The following TBC1D1 variants were observed in gnomAD, a reference collection of about 807,000 sequenced individuals.
TBC1D1 encodes the protein TBC1 domain family member 1.
In TBC1D1, 89 loss-of-function variants were observed where a neutral mutation model predicts 125.6. That is an observed-to-expected ratio of 0.71 (90% CI 0.60 to 0.85). The LOEUF is 0.85. Among genes scored for constraint, TBC1D1 ranks in the 40% least tolerant of loss-of-function variants. TBC1D1 has a pLI of 0.00. For synonymous variants in TBC1D1, 565 were observed against 564.1 expected, an observed-to-expected ratio of 1.00 and a Z score of -0.02; for missense variants, 1,377 against 1,469.2, an observed-to-expected ratio of 0.94 and a Z score of 1.03.
intron 14 of TBC1D1, among the ~76,000 whole-genome samples, chr4:38,099,558 T>C (rs1759936505): frequency 6.6e-6 from 1 of 152,134 alleles, no homozygotes; most frequent in African/African-American, 2.4e-5. Flanking sequence ...TTATGGGTGG[T>C]TTTTCACTTT....
intron 2 of TBC1D1, among the ~76,000 whole-genome samples, chr4:37,986,133 C>T (rs1345201674): frequency 6.6e-6 from 1 of 152,128 alleles, no homozygotes; most frequent in East Asian, 1.9e-4. Flanking sequence ...GTAATTGTGG[C>T]TTAGGGTGGT....
chr4:38,046,241 G>A (rs1020503077), intron 10 of TBC1D1, among the ~76,000 whole-genome samples: 2 of 151,866 alleles, frequency 1.3e-5, no homozygotes, highest in African/African-American at 4.8e-5. Flanking sequence ...GCGTGGTGGC[G>A]GGCACCCGTA....
In TBC1D1 at chr4:38,049,956, G is replaced by T. The variant is rs1750191834; in HGVS notation, c.1910+58G>T. On this transcript the variant is annotated intron_variant, in intron 11 of 19. Transcript: ENST00000261439. ...CTGGGGCATATCTGTGACTAGCCAG[G>T]TATGTGCATCCCAGGTATGTTTATT... 3.3e-6 allele frequency: 5 copies of T among 1,529,204 alleles called. No homozygotes were observed. In the Admixed American group the frequency reaches 9.3e-5, roughly 28 times the overall value. The allele number at this position is 1,529,204 out of a possible 1,614,324, so 94.7% of individuals were successfully genotyped here. A position where few individuals can be genotyped will look rare whatever the true frequency, so the allele number is the denominator to read the frequency against.
intron 2 of TBC1D1, among the ~76,000 whole-genome samples, chr4:37,911,328 C>G (rs774173098): frequency 2.6e-5 from 4 of 152,124 alleles, no homozygotes; most frequent in Non-Finnish European, 5.9e-5. Flanking sequence ...TACCTTTCCT[C>G]CCTTTGGAGG....
chr4:38,027,871 G>A lies in TBC1D1; in HGVS notation c.1294G>A (p.Glu432Lys). Residue 432 changes from glutamate to lysine, a missense_variant, in exon 7 of 20, where the codon GAG becomes AAG. This residue lies in a region of TBC1D1 where 822 missense variants were observed against 824.6 expected (regional missense o/e 1.00). Transcript: ENST00000261439. The stretch of plus-strand genomic sequence containing the variant: ...TCAGGAGCAGGCGACTATTTTTGAA[G>A]AGGTTCAGGTACAGTACAGTTGCTA... 1.2e-6 allele frequency: 2 copies of A among 1,611,940 alleles called. No individual in the cohort carries two copies. The highest frequency in any genetic ancestry group is 1.7e-6 in the Non-Finnish European group (2 of 1,178,556).
At position 37,995,560 on chromosome 4, in the gene TBC1D1, T is replaced by C. The variant is rs1737613530; in HGVS notation, c.418-18949T>C. ...TTTCTCCAGGTTGGTGCTGATGATA[T>C]GATAAAGCTCAGCACAGAAGGCCTT... On this transcript the variant is annotated intron_variant, in intron 2 of 19. Coordinates refer to ENST00000261439, the MANE Select transcript of TBC1D1 (RefSeq NM_015173.4). This position sits in a 1 kb window ranked among gnomAD's most constrained non-coding sequence, Gnocchi z 4.3. 4.9e-6 allele frequency: 2 copies of C among 410,852 alleles called. No homozygotes were observed. Among genetic ancestry groups the C allele is most frequent in the Non-Finnish European group, 9.6e-6 (2 of 209,246 alleles). The allele number at this position is 410,852 out of a possible 1,614,324, so 25.5% of individuals were successfully genotyped here.
At position 38,103,094 on chromosome 4, in the gene TBC1D1, GT is replaced by G; in HGVS notation, c.2495del (p.Val832GlyfsTer7). On this transcript the variant is annotated frameshift_variant, in exon 15 of 20. Coordinates refer to ENST00000261439, the MANE Select transcript of TBC1D1 (RefSeq NM_015173.4). LOFTEE classifies it high-confidence loss of function. Reference sequence around the variant, plus strand: ...TCCCAGCAAACAGCAGCCAAAGGATGTGCCATACAAAGAACTCTTAAAGCAG... The same window carrying G: ...TCCCAGCAAACAGCAGCCAAAGGATGGCCATACAAAGAACTCTTAAAGCAG... 1 of 1,614,144 alleles carries G rather than the reference GT, an allele frequency of 6.2e-7. No homozygotes were observed. Among genetic ancestry groups the G allele is most frequent in the Non-Finnish European group, 8.5e-7 (1 of 1,180,020 alleles).
intron 2 of TBC1D1, among the ~76,000 whole-genome samples, chr4:37,999,394 C>T (rs942211824): frequency 6.6e-6 from 1 of 152,144 alleles, no homozygotes; most frequent in Non-Finnish European, 1.5e-5. Context: ...ATTACTGTTA[C>T]ATTATGAATT....
intron 17 of TBC1D1, chr4:38,118,438 C>A (rs1190645399): frequency 1.0e-5 from 5 of 496,884 alleles, no homozygotes; most frequent in Admixed American, 3.6e-5. Context: ...CCGTGTAGAT[C>A]CGATCGCTCA....
chr4:38,039,994 C>T (rs1748039103), intron 8 of TBC1D1, among the ~76,000 whole-genome samples: 1 of 151,838 alleles, frequency 6.6e-6, no homozygotes, highest in South Asian at 2.1e-4. Context: ...CCAGTGTCAT[C>T]TTCCAAGGAG....
At chr4:38,111,656 A>C (rs1762221047) in intron 15 of TBC1D1, among the ~76,000 whole-genome samples, 1 of 152,220 alleles carries the variant, frequency 6.6e-6, no homozygotes, top group Admixed American at 6.5e-5. Context: ...GCAAAAGCTG[A>C]CCTTGCACAG....
At chr4:38,036,709 C>T (rs1014012518) in intron 8 of TBC1D1, among the ~76,000 whole-genome samples, 1 of 152,212 alleles carries the variant, frequency 6.6e-6, no homozygotes, top group Non-Finnish European at 1.5e-5. Flanking sequence ...CTTCCCTGAA[C>T]ACTTGGGCTG....
chr4:38,008,996 A>G (rs2152419306), intron 2 of TBC1D1, among the ~76,000 whole-genome samples: 1 of 152,332 alleles, frequency 6.6e-6, no homozygotes, highest in Non-Finnish European at 1.5e-5. Context: ...TGTCCTATCT[A>G]GATAGCAACT....
intron 18 of TBC1D1, among the ~76,000 whole-genome samples, chr4:38,129,931 G>A (rs530518295): frequency 6.6e-6 from 1 of 152,328 alleles, no homozygotes; most frequent in Non-Finnish European, 1.5e-5. Flanking sequence ...ATTAGTGGCT[G>A]TTGGGAGACA....
intron 2 of TBC1D1, among the ~76,000 whole-genome samples, chr4:37,957,481 T>C (rs953633280): frequency 6.6e-6 from 1 of 152,006 alleles, no homozygotes; most frequent in Non-Finnish European, 1.5e-5. Flanking sequence ...TACCTGGGCA[T>C]GGGGGTGCGT....
rs1003052379 is a variant in TBC1D1, at chr4:38,122,913, C to T, written c.2963-2049C>T. ...AGACTTTAAAACACATAACACCACCCTCTCCCCTCCAAATTTCCTTTCCGG... is the reference window on the plus strand; with the variant it reads ...AGACTTTAAAACACATAACACCACCTTCTCCCCTCCAAATTTCCTTTCCGG... On this transcript the variant is annotated intron_variant, in intron 17 of 19. Coordinates refer to ENST00000261439, the MANE Select transcript of TBC1D1 (RefSeq NM_015173.4). Among the ~76,000 whole-genome samples the T allele has an allele frequency of 2.6e-5, 4 of 152,178 alleles. No homozygotes were observed. In the East Asian group the frequency reaches 7.7e-4, roughly 29 times the overall value.
At chr4:38,029,866 T>C (rs1745803629) in intron 7 of TBC1D1, among the ~76,000 whole-genome samples, 1 of 152,262 alleles carries the variant, frequency 6.6e-6, no homozygotes, top group South Asian at 2.1e-4. Flanking sequence ...GACATGCTAC[T>C]TTGTTTTTTC....
intron 2 of TBC1D1, among the ~76,000 whole-genome samples, chr4:37,949,218 G>A (rs1288723005): frequency 1.3e-5 from 2 of 152,358 alleles, no homozygotes; most frequent in Admixed American, 1.3e-4. Context: ...AACAAAATAT[G>A]TGGAGACTTT....
chr4:38,066,265 CTT>C (rs34977188), intron 12 of TBC1D1, among the ~76,000 whole-genome samples: 90 of 137,600 alleles, frequency 6.5e-4, no homozygotes, highest in African/African-American at 8.5e-4. Flanking sequence ...TTATTAGCAA[CTT>C]TTTTTTTTTT....
Sources: gnomAD v4.1 joint callset for allele counts (sites outside exome capture counted in the v4.1 genomes callset) on GRCh38, gnomAD v4.1.1 for gene constraint, gnomAD v4.1.1 regional missense constraint, Gnocchi (gnomAD v3.1) non-coding constraint, MANE v1.5 for transcripts, NCBI Gene and HGNC (gene_info 2026-07-23, HGNC 2026-07-21) for gene names.